SCAPER: variants seen among roughly 807,000 people sequenced by gnomAD.
SCAPER encodes the protein S-phase cyclin A associated protein in the ER.
A neutral mutation model predicts 182.2 loss-of-function variants in SCAPER; 98 were observed. The ratio of observed to expected loss-of-function variants is 0.54; its 90% CI spans 0.46 to 0.64. The LOEUF is 0.64. Ranked by LOEUF, SCAPER falls within the 30% of genes least tolerant of loss-of-function variation. SCAPER has a pLI of 0.00. For missense variants in SCAPER, 1,432 were observed against 1,690.0 expected (o/e 0.85, Z 2.68); for synonymous variants, 605 against 564.6 (o/e 1.07, Z -1.01).
intron 8 of SCAPER, among the ~76,000 whole-genome samples, chr15:76,779,806 A>G (rs1408895581): frequency 1.3e-5 from 2 of 152,204 alleles, no homozygotes; most frequent in Non-Finnish European, 2.9e-5. Context: ...ATAATAGTAT[A>G]TGAAATATAC....
Position 76,654,946 on chromosome 15 carries a change from G to A in SCAPER, c.2645+10707C>T, listed in dbSNP as rs180974278. ...AAGATTAAAGAAACAACATCTCACA[G>A]AGCTGAGAAAGAACTAGTGCAAGAA... On this transcript the variant is annotated intron_variant, in intron 21 of 31. Coordinates refer to ENST00000563290, the MANE Select transcript of SCAPER (RefSeq NM_020843.4). 1.5e-3 allele frequency among the ~76,000 whole-genome samples: 226 copies of A among 152,332 alleles called. 1 individual carries two copies. Among genetic ancestry groups the A allele is most frequent in the African/African-American group, 4.9e-3 (202 of 41,584 alleles).
At chr15:76,654,786 T>C (rs1487706495) in intron 21 of SCAPER, among the ~76,000 whole-genome samples, 1 of 152,268 alleles carries the variant, frequency 6.6e-6, no homozygotes, top group South Asian at 2.1e-4. Context: ...GCTTACTCTT[T>C]TACAATTTTG....
chr15:76,670,974 A>C (rs1298385878), intron 20 of SCAPER, among the ~76,000 whole-genome samples: 3 of 152,222 alleles, frequency 2.0e-5, no homozygotes, highest in Admixed American at 6.5e-5. Context: ...ATGTAAAAAG[A>C]AGCTTTTTCA....
chr15:76,640,989 C>A (rs919466657), intron 21 of SCAPER, among the ~76,000 whole-genome samples: 1 of 152,106 alleles, frequency 6.6e-6, no homozygotes, highest in African/African-American at 2.4e-5. Flanking sequence ...AGCCTATAAA[C>A]GGAAGCATGA....
At chr15:76,640,997 T>A (rs564519132) in intron 21 of SCAPER, among the ~76,000 whole-genome samples, 43 of 152,242 alleles carry the variant, frequency 2.8e-4, no homozygotes, top group African/African-American at 9.9e-4. Context: ...AACGGAAGCA[T>A]GAGGGGCGCC....
rs1598649576 is a variant in SCAPER, at chr15:76,775,046, T to A, written c.844A>T (p.Met282Leu). 1.2e-6 allele frequency: 2 copies of A among 1,613,816 alleles called. No homozygotes were observed. Among genetic ancestry groups the A allele is most frequent in the South Asian group, 1.1e-5 (1 of 91,078 alleles). Reference sequence around the variant, plus strand: ...TCTGTTGCCAATGAAACTTTTGGCATCACTGCTGTTGATCGAGAACGAATA... The same window carrying A: ...TCTGTTGCCAATGAAACTTTTGGCAACACTGCTGTTGATCGAGAACGAATA... ...RPIRSRSTAV[M>L]PKVSLATEAT... Residue 282 changes from methionine (M) to leucine (L), a missense_variant, in exon 9 of 32, where the codon ATG (methionine) becomes TTG (leucine). Met to Leu is a conservative substitution (Grantham distance 15, BLOSUM62 2). Around this residue, in one of 5 missense-constraint regions of SCAPER, gnomAD observed 480 missense variants for 510.2 expected, o/e 0.94. Transcript: ENST00000563290.
At chr15:76,743,938 GACAC>G (rs1487881389) in intron 15 of SCAPER, among the ~76,000 whole-genome samples, 1 of 152,100 alleles carries the variant, frequency 6.6e-6, no homozygotes, top group Non-Finnish European at 1.5e-5. Context: ...GTACAAAACA[GACAC>G]ACAGACCAAT....
intron 26 of SCAPER, among the ~76,000 whole-genome samples, chr15:76,407,826 T>C (rs1195320327): frequency 6.6e-6 from 1 of 152,146 alleles, no homozygotes; most frequent in Non-Finnish European, 1.5e-5. Context: ...GGATAACAAA[T>C]ACCCATGCAT....
At chr15:76,568,711 T>C (rs118045971) in intron 23 of SCAPER, among the ~76,000 whole-genome samples, 4,521 of 152,244 alleles carry the variant, frequency 0.03, 103 homozygotes, top group South Asian at 0.048. Flanking sequence ...CGCCTACATA[T>C]TGTTCTTTAG....
chr15:76,863,625 A>C (rs149736572), intron 2 of SCAPER, among the ~76,000 whole-genome samples: 191 of 152,322 alleles, frequency 1.3e-3, no homozygotes, highest in East Asian at 0.013. Context: ...AAAATAATAT[A>C]TGAATTAACA....
rs11854576 is a variant in SCAPER at position 76,643,257 on chromosome 15, T to C, written c.2646-21428A>G. ...CTTCCACATGCCTGTGCCAAACATT[T>C]TGGCATTTAACTTTGATCTTTACTG... On this transcript the variant is annotated intron_variant, in intron 21 of 31. Coordinates refer to ENST00000563290, the MANE Select transcript of SCAPER (RefSeq NM_020843.4). 8.1e-3 allele frequency among the ~76,000 whole-genome samples: 1,239 copies of C among 152,320 alleles called. 12 individuals carry two copies. Among genetic ancestry groups the C allele is most frequent in the African/African-American group, 0.028 (1,175 of 41,558 alleles).
intron 21 of SCAPER, among the ~76,000 whole-genome samples, chr15:76,622,716 C>T (rs1471660110): frequency 2.0e-5 from 3 of 152,102 alleles, no homozygotes; most frequent in Non-Finnish European, 4.4e-5. Context: ...GGAAAAGTAA[C>T]AATTATGCAT....
At chr15:76,702,702 G>C in intron 19 of SCAPER, 148 bp downstream of exon 19, 1 of 821,354 alleles carries the variant, frequency 1.2e-6, no homozygotes, top group Non-Finnish European at 1.8e-6. Flanking sequence ...GCCCACCTCA[G>C]TCTCCTAAAG....
intron 20 of SCAPER, among the ~76,000 whole-genome samples, chr15:76,676,474 C>T (rs1308265711): frequency 6.6e-6 from 1 of 152,048 alleles, no homozygotes; most frequent in Non-Finnish European, 1.5e-5. Flanking sequence ...CCCCAGTCTA[C>T]CTAATATTTA....
At chr15:76,720,638 G>T (rs2060174828) in intron 17 of SCAPER, among the ~76,000 whole-genome samples, 2 of 152,122 alleles carry the variant, frequency 1.3e-5, no homozygotes, top group African/African-American at 2.4e-5. Flanking sequence ...GTGTGAGATG[G>T]TATCTCATTG....
intron 23 of SCAPER, among the ~76,000 whole-genome samples, chr15:76,544,297 G>C (rs1189781466): frequency 6.6e-6 from 1 of 152,146 alleles, no homozygotes; most frequent in African/African-American, 2.4e-5. Context: ...CATACAACTT[G>C]GCAATTCCAT....
chr15:76,571,140 A>T (rs561266031), intron 23 of SCAPER, among the ~76,000 whole-genome samples: 1 of 152,290 alleles, frequency 6.6e-6, no homozygotes, highest in South Asian at 2.1e-4. Context: ...CACATTTGCC[A>T]ATCTGGCACA....
chr15:76,799,308 C>A (rs996219597), intron 7 of SCAPER, among the ~76,000 whole-genome samples: 1 of 137,058 alleles, frequency 7.3e-6, no homozygotes, highest in Non-Finnish European at 1.5e-5. Flanking sequence ...TTTTTTGAGA[C>A]GGAGTCTCAC....
chr15:76,404,166 GGGCTGAC>G (rs372410276), intron 27 of SCAPER, among the ~76,000 whole-genome samples: 206 of 152,262 alleles, frequency 1.4e-3, no homozygotes, highest in African/African-American at 4.9e-3. Flanking sequence ...GTACTGTGTA[GGGCTGAC>G]GGCTTGGCTT....
Sources: gnomAD v4.1 joint callset for allele counts (sites outside exome capture counted in the v4.1 genomes callset) on GRCh38, gnomAD v4.1.1 for gene constraint, gnomAD v4.1.1 regional missense constraint, MANE v1.5 for transcripts, NCBI Gene and HGNC (gene_info 2026-07-23, HGNC 2026-07-21) for gene names.